Variants in NOS1AP observed in about 807,000 individuals in gnomAD.
NOS1AP encodes the protein carboxyl-terminal PDZ ligand of neuronal nitric oxide synthase protein.
NOS1AP carries 21 observed loss-of-function variants against 56.2 expected under a neutral mutation model. The ratio of observed to expected loss-of-function variants is 0.37; its 90% CI spans 0.26 to 0.54. NOS1AP has a LOEUF of 0.54. Among genes scored for constraint, NOS1AP ranks in the 20% least tolerant of loss-of-function variants. The probability of loss-of-function intolerance (pLI) is 0.84; values close to 1 mark genes in which losing one functional copy is unlikely to be tolerated. For missense variants in NOS1AP, 522 were observed against 657.8 expected (o/e 0.79, Z 2.26); for synonymous variants, 270 against 274.6 (o/e 0.98, Z 0.17).
intron 1 of NOS1AP, among the ~76,000 whole-genome samples, chr1:162,114,025 C>T (rs149185304): frequency 2.0e-5 from 3 of 152,238 alleles, no homozygotes; most frequent in East Asian, 1.9e-4. Flanking sequence ...GAATGTTTCC[C>T]GTGGTGGTGT....
rs766848020 is a variant in NOS1AP, at chr1:162,300,723, G to A, written c.344+17G>A. ...CATCTACAGGTAAGAGCCCAGTCCAGCACCCAAGATATCACTGAGCCCCAG... is the reference window on the plus strand; with the variant it reads ...CATCTACAGGTAAGAGCCCAGTCCAACACCCAAGATATCACTGAGCCCCAG... On this transcript the variant is annotated intron_variant, in intron 4 of 9. Transcript: ENST00000361897. The A allele has an allele frequency of 5.0e-6, 8 of 1,612,230 alleles. No individual in the cohort carries two copies. Among genetic ancestry groups the A allele is most frequent in the Non-Finnish European group, 6.8e-6 (8 of 1,178,344 alleles).
intron 2 of NOS1AP, among the ~76,000 whole-genome samples, chr1:162,274,762 C>T (rs1557859237): frequency 6.6e-6 from 1 of 152,174 alleles, no homozygotes; most frequent in Non-Finnish European, 1.5e-5. Flanking sequence ...TAGGCATGAG[C>T]CTCACCTGTC....
chr1:162,248,730 A>T (rs1399488130), intron 2 of NOS1AP, among the ~76,000 whole-genome samples: 4 of 152,076 alleles, frequency 2.6e-5, no homozygotes, highest in Non-Finnish European at 5.9e-5. Context: ...ATGCCATTTT[A>T]TTCACCCCAA....
At chr1:162,323,515 A>G (rs370911) in intron 4 of NOS1AP, among the ~76,000 whole-genome samples, 150,732 of 152,370 alleles carry the variant, frequency 0.99, 74,584 homozygotes, top group Middle Eastern at 1. Context: ...AATGGAGATA[A>G]TAACTGTATC....
At chr1:162,273,534 G>A (rs190553178) in intron 2 of NOS1AP, among the ~76,000 whole-genome samples, 2 of 152,290 alleles carry the variant, frequency 1.3e-5, no homozygotes, top group African/African-American at 4.8e-5. Flanking sequence ...GCAGTGGAGA[G>A]GGTATCCCTC....
chr1:162,332,907 A>T (rs561721174), intron 4 of NOS1AP, 110 bp from the exon 5 acceptor site: 192 of 792,180 alleles, frequency 2.4e-4, no homozygotes, highest in Non-Finnish European at 3.9e-4. Flanking sequence ...TTCTGTAATA[A>T]CTTGGCTCTC....
intron 1 of NOS1AP, among the ~76,000 whole-genome samples, chr1:162,139,829 T>G (rs1218249600): frequency 6.6e-6 from 1 of 152,136 alleles, no homozygotes; most frequent in Non-Finnish European, 1.5e-5. Flanking sequence ...AGTTGCCGTC[T>G]TACTTTTTTT....
chr1:162,231,195 G>A (rs1653113636), intron 2 of NOS1AP, among the ~76,000 whole-genome samples: 2 of 152,140 alleles, frequency 1.3e-5, no homozygotes, highest in Admixed American at 6.5e-5. Flanking sequence ...ATGTAAAGTG[G>A]CATCTCCTTA....
At chr1:162,086,131 A>G (rs1691996100) in intron 1 of NOS1AP, among the ~76,000 whole-genome samples, 1 of 152,070 alleles carries the variant, frequency 6.6e-6, no homozygotes, top group African/African-American at 2.4e-5. Context: ...ATTTTCCTGG[A>G]CCCAGAACAA....
At chr1:162,133,007 G>A (rs373577232) in intron 1 of NOS1AP, among the ~76,000 whole-genome samples, 4 of 152,164 alleles carry the variant, frequency 2.6e-5, no homozygotes, top group African/African-American at 9.7e-5. Context: ...GGAAACTTCT[G>A]CATCAGTGAG....
intron 4 of NOS1AP, among the ~76,000 whole-genome samples, chr1:162,301,474 G>A (rs1001455888): frequency 3.9e-5 from 6 of 152,182 alleles, no homozygotes; most frequent in African/African-American, 1.4e-4. Flanking sequence ...TTATAAGCCA[G>A]CCAGTTTCTG....
chr1:162,271,547 G>A (rs995338661), intron 2 of NOS1AP, among the ~76,000 whole-genome samples: 1 of 152,218 alleles, frequency 6.6e-6, no homozygotes, highest in Non-Finnish European at 1.5e-5. Context: ...TTATGGAAGA[G>A]TAGGCAGCCT....
At chr1:162,256,679 A>G (rs1654041595) in intron 2 of NOS1AP, among the ~76,000 whole-genome samples, 1 of 152,230 alleles carries the variant, frequency 6.6e-6, no homozygotes, top group South Asian at 2.1e-4. Flanking sequence ...AAATGCGCGT[A>G]TGTACATTAA....
chr1:162,121,749 T>C (rs1648247858), intron 1 of NOS1AP, among the ~76,000 whole-genome samples: 1 of 152,224 alleles, frequency 6.6e-6, no homozygotes, highest in African/African-American at 2.4e-5. Context: ...TTTATTGTTT[T>C]TACTTTAGAA....
intron 1 of NOS1AP, among the ~76,000 whole-genome samples, chr1:162,087,285 A>G (rs755175885): frequency 6.6e-6 from 1 of 152,074 alleles, no homozygotes; most frequent in Non-Finnish European, 1.5e-5. Flanking sequence ...TGTTAAAAAT[A>G]TGTCTGAAGC....
chr1:162,218,808 C>T (rs780213760), intron 2 of NOS1AP, among the ~76,000 whole-genome samples: 35 of 152,136 alleles, frequency 2.3e-4, no homozygotes, highest in Non-Finnish European at 4.4e-4. Flanking sequence ...TTCAGGCACT[C>T]CTTTGCCAGA....
chr1:162,241,381 G>T (rs1431714828), intron 2 of NOS1AP, among the ~76,000 whole-genome samples: 1 of 152,198 alleles, frequency 6.6e-6, no homozygotes, highest in East Asian at 1.9e-4. Context: ...TGGCACTTTT[G>T]GGAAACTGAA....
At chr1:162,155,371 T>G (rs12403085) in intron 2 of NOS1AP, among the ~76,000 whole-genome samples, 106,195 of 136,276 alleles carry the variant, frequency 0.78, 40,363 homozygotes, top group Admixed American at 0.86. Context: ...TATATATATA[T>G]AGAGAGAGAG....
In NOS1AP at chr1:162,341,294, C is replaced by T. The variant is rs183023889; in HGVS notation, c.454-2541C>T. ...ACCTGAGATGTTATAGGAACAAACT[C>T]AGTAGTGAATTTAGAATTTTCTATA... On this transcript the variant is annotated intron_variant, in intron 5 of 9. Coordinates refer to ENST00000361897, the MANE Select transcript of NOS1AP (RefSeq NM_014697.3). Among the ~76,000 whole-genome samples, 6 of 152,208 alleles carry T rather than the reference C, an allele frequency of 3.9e-5. No homozygotes were observed. The East Asian group carries it at 9.7e-4, about 25-fold the overall frequency.
Sources: allele counts gnomAD v4.1 joint callset (sites outside exome capture counted in the v4.1 genomes callset), GRCh38; gene constraint gnomAD v4.1.1; transcripts MANE v1.5; gene names NCBI Gene and HGNC (gene_info 2026-07-23, HGNC 2026-07-21).